MRS2: variants seen among roughly 807,000 people sequenced by gnomAD.
The protein encoded by MRS2 is magnesium transporter MRS2 homolog, mitochondrial.
MRS2 carries 40 observed loss-of-function variants against 52.6 expected under a neutral mutation model. The ratio of observed to expected loss-of-function variants is 0.76; its 90% CI spans 0.59 to 0.99. The LOEUF (loss-of-function observed/expected upper bound fraction) is 0.99. Ranked by LOEUF, MRS2 falls within the 50% of genes least tolerant of loss-of-function variation. MRS2 has a pLI of 0.00. For missense variants in MRS2, 472 were observed against 532.7 expected, an observed-to-expected ratio of 0.89 and a Z score of 1.12; for synonymous variants, 193 against 195.9, an observed-to-expected ratio of 0.98 and a Z score of 0.13.
chr6:24,408,351 A>G (rs1761542284), intron 2 of MRS2, 57 bp from the exon 3 acceptor site: 3 of 1,130,872 alleles, frequency 2.7e-6, no homozygotes, highest in Non-Finnish European at 2.7e-6. Flanking sequence ...TAGCAATACC[A>G]TAAGTAGCAT....
chr6:24,422,494 A>T (rs987330793), intron 9 of MRS2, among the ~76,000 whole-genome samples: 2 of 152,184 alleles, frequency 1.3e-5, no homozygotes, highest in Non-Finnish European at 2.9e-5. Context: ...AAGACAAAAA[A>T]TTTATTATGT....
At chr6:24,418,686 G>A in intron 9 of MRS2, 108 bp downstream of exon 9, 4 of 828,576 alleles carry the variant, frequency 4.8e-6, no homozygotes, top group Non-Finnish European at 7.9e-6. Context: ...ATCACCTGAG[G>A]TCAGGAGTTT....
intron 6 of MRS2, among the ~76,000 whole-genome samples, chr6:24,415,607 G>T (rs1761822518): frequency 6.6e-6 from 1 of 152,082 alleles, no homozygotes; most frequent in Admixed American, 6.5e-5. Flanking sequence ...ATCCCTTCAA[G>T]AATTAACATT....
Position 24,415,870 on chromosome 6 carries a change from C to A in MRS2, c.720-527C>A, listed in dbSNP as rs146977123. 8.3e-3 allele frequency among the ~76,000 whole-genome samples: 1,256 copies of A among 152,022 alleles called. 16 individuals carry two copies. The highest frequency in any genetic ancestry group is 0.029 in the African/African-American group (1,192 of 41,428). ...TGGGTGTTTTTGAGACAGGGTTTCA[C>A]TCCGTTGCCCAGGCTGGAGTGCAGT... On this transcript the variant is annotated intron_variant, in intron 6 of 10. Transcript: ENST00000378386.
rs567001049 is a variant in MRS2 at position 24,403,889 on chromosome 6, GACTT to G, written c.190+658_190+661del. ...TAAAGACTGAGTTGTTTCTGAGAAC[GACTT>G]ACTTTCAACTACAGTACTCTATAAG... On this transcript the variant is annotated intron_variant, in intron 1 of 10. Coordinates refer to ENST00000378386, the MANE Select transcript of MRS2 (RefSeq NM_020662.4). 2.8e-3 allele frequency among the ~76,000 whole-genome samples: 420 copies of G among 152,248 alleles called. 2 individuals carry two copies. Among genetic ancestry groups the G allele is most frequent in the Middle Eastern group, 0.01 (3 of 294 alleles).
chr6:24,418,711 C>G, intron 9 of MRS2, 133 bp downstream of exon 9: 3 of 655,320 alleles, frequency 4.6e-6, no homozygotes, highest in Non-Finnish European at 8.0e-6. Context: ...CCAACCTGGC[C>G]AACATGGCGA....
At position 24,425,022 on chromosome 6, in the gene MRS2, C is replaced by T. The variant is rs547424570; in HGVS notation, c.*1328C>T. ...GGAACAGGACAGGCTGGGCTAGACTCGAGCACGCAGTGGCCCCTGTGCCAC... is the reference window on the plus strand; with the variant it reads ...GGAACAGGACAGGCTGGGCTAGACTTGAGCACGCAGTGGCCCCTGTGCCAC... On this transcript the variant is annotated 3_prime_UTR_variant, in exon 11 of 11. Coordinates refer to ENST00000378386, the MANE Select transcript of MRS2 (RefSeq NM_020662.4). 2.6e-5 allele frequency: 4 copies of T among 152,350 alleles called. No homozygotes were observed. Among genetic ancestry groups the T allele is most frequent in the African/African-American group, 4.8e-5 (2 of 41,574 alleles). 9.4% of individuals were successfully genotyped at this position (152,350 alleles called of 1,614,324 possible). A position where few individuals can be genotyped will look rare whatever the true frequency, so the allele number is the denominator to read the frequency against.
At position 24,424,003 on chromosome 6, in the gene MRS2, G is replaced by T. The variant is rs79664242; in HGVS notation, c.*309G>T. 0.12 allele frequency: 20,774 copies of T among 168,726 alleles called. 1,646 individuals are homozygous for T. Among genetic ancestry groups the T allele is most frequent in the Non-Finnish European group, 0.15 (11,897 of 78,042 alleles). 10.5% of individuals were successfully genotyped at this position (168,726 alleles called of 1,614,324 possible). On this transcript the variant is annotated 3_prime_UTR_variant, in exon 11 of 11. Transcript: ENST00000378386. ...ATAGATTTTAATTTATACATATCAA[G>T]AAAAGTGCAATTTCATGCTGAATGA... is the stretch of plus-strand genomic sequence containing the variant.
chr6:24,419,882 CTTA>C (rs1198228429), intron 9 of MRS2, among the ~76,000 whole-genome samples: 8 of 152,142 alleles, frequency 5.3e-5, no homozygotes, highest in Admixed American at 1.3e-4. Flanking sequence ...CACAGAATAG[CTTA>C]TTGTAAGTTT....
chr6:24,423,553 A>G, intron 10 of MRS2, 31 bp from the exon 11 acceptor site: 1 of 1,291,184 alleles, frequency 7.7e-7, no homozygotes, highest in Non-Finnish European at 1.1e-6. Context: ...TTTAAAAAAG[A>G]TACTAAAATT....
rs1055782568 is a variant in MRS2, at chr6:24,425,456, T to C, written c.*1762T>C. Reference sequence around the variant, plus strand: ...AAGTCTGATAAAAGGAAGTTGCTAGTGTTTTATAGAATTTCTGAAGGTGGT... The same window carrying C: ...AAGTCTGATAAAAGGAAGTTGCTAGCGTTTTATAGAATTTCTGAAGGTGGT... On this transcript the variant is annotated 3_prime_UTR_variant, in exon 11 of 11. Transcript: ENST00000378386. 6.6e-6 allele frequency: 1 copy of C among 152,218 alleles called. No homozygotes were observed. The highest frequency in any genetic ancestry group is 2.4e-5 in the African/African-American group (1 of 41,448). 9.4% of individuals were successfully genotyped at this position (152,218 alleles called of 1,614,324 possible). A position where few individuals can be genotyped will look rare whatever the true frequency, so the allele number is the denominator to read the frequency against.
chr6:24,422,883 A>C, intron 9 of MRS2, 54 bp from the exon 10 acceptor site: 2 of 1,204,484 alleles, frequency 1.7e-6, no homozygotes, highest in African/African-American at 1.5e-5. Context: ...AATTCAAGGA[A>C]TCTTCTAAGG....
At chr6:24,406,965 T>C (rs1197467959) in intron 2 of MRS2, among the ~76,000 whole-genome samples, 1 of 152,268 alleles carries the variant, frequency 6.6e-6, no homozygotes, top group East Asian at 1.9e-4. Context: ...ATAATTTGTA[T>C]GATTTAAAAA....
intron 2 of MRS2, 124 bp downstream of exon 2, chr6:24,405,365 T>G: frequency 1.4e-6 from 1 of 699,326 alleles, no homozygotes; most frequent in Non-Finnish European, 2.4e-6. Flanking sequence ...CTACATGTCG[T>G]GGCTGTTGTG....
chr6:24,415,196 G>A, intron 6 of MRS2, 33 bp downstream of exon 6: 4 of 1,489,178 alleles, frequency 2.7e-6, no homozygotes, highest in Non-Finnish European at 3.6e-6. Flanking sequence ...ATTGGGAGTT[G>A]GAGACAAATA....
chr6:24,403,036 G>A lies in MRS2; in HGVS notation c.-11G>A. 1 of 1,578,866 alleles carries A rather than the reference G, an allele frequency of 6.3e-7. No homozygotes were observed. Among genetic ancestry groups the A allele is most frequent in the Non-Finnish European group, 8.6e-7 (1 of 1,163,876 alleles). On this transcript the variant is annotated 5_prime_UTR_variant, in exon 1 of 11. Transcript: ENST00000378386. ...GGGGTCTGGCTGCTGCCTGCTTCTT[G>A]CTCCAGCACCATGGAATGCCTGCGC...
chr6:24,410,677 A>C, intron 4 of MRS2: 1 of 1,370,830 alleles, frequency 7.3e-7, no homozygotes, highest in Non-Finnish European at 9.9e-7. Flanking sequence ...AGTAAATAAA[A>C]AATACTTTAT....
rs1762148905 is a variant in MRS2, at chr6:24,424,121, A to G, written c.*427A>G. 6.6e-6 allele frequency: 1 copy of G among 152,042 alleles called. No homozygotes were observed. The highest frequency in any genetic ancestry group is 2.5e-5 in the African/African-American group (1 of 40,674). The allele number at this position is 152,042 out of a possible 1,614,324, so 9.4% of individuals were successfully genotyped here. On this transcript the variant is annotated 3_prime_UTR_variant, in exon 11 of 11. Transcript: ENST00000378386. ...TGAATTTCCTGATTCTCAGGTGACTAAAAAGCTAGCATTCTATGTATTAAC... is the reference window on the plus strand; with the variant it reads ...TGAATTTCCTGATTCTCAGGTGACTGAAAAGCTAGCATTCTATGTATTAAC...
At chr6:24,420,325 ATCCTACCCT>A (rs1264635398) in intron 9 of MRS2, among the ~76,000 whole-genome samples, 10 of 152,142 alleles carry the variant, frequency 6.6e-5, no homozygotes, top group African/African-American at 1.9e-4. Flanking sequence ...CGCCCAAATA[ATCCTACCCT>A]TCCATCTGCT....
Sources: allele counts gnomAD v4.1 joint callset (sites outside exome capture counted in the v4.1 genomes callset), GRCh38; gene constraint gnomAD v4.1.1; transcripts MANE v1.5; gene names NCBI Gene and HGNC (gene_info 2026-07-23, HGNC 2026-07-21).